The following CSMD2 variants were observed in gnomAD, a reference collection of about 807,000 sequenced individuals.
CSMD2 encodes the protein CUB and Sushi multiple domains 2.
Under a neutral mutation model 398.5 loss-of-function variants are expected in CSMD2, and 130 were observed. The ratio of observed to expected loss-of-function variants is 0.33; its 90% CI spans 0.28 to 0.38. CSMD2 has a LOEUF of 0.38. CSMD2 is among the 10% of genes least tolerant of loss of function. The pLI is 1.00. For synonymous variants in CSMD2, 1,828 were observed against 1,908.5 expected (o/e 0.96, Z 1.10); for missense variants, 3,829 against 4,764.9 (o/e 0.80, Z 5.78).
At chr1:34,001,924 T>A (rs1469867740) in intron 3 of CSMD2, among the ~76,000 whole-genome samples, 1 of 152,176 alleles carries the variant, frequency 6.6e-6, no homozygotes, top group Non-Finnish European at 1.5e-5. Flanking sequence ...AAAAGGATAA[T>A]AATGACTGCA....
intron 2 of CSMD2, among the ~76,000 whole-genome samples, chr1:34,059,369 C>T (rs1654211221): frequency 6.6e-6 from 1 of 152,156 alleles, no homozygotes; most frequent in South Asian, 2.1e-4. Context: ...CTCCATCTGA[C>T]ACCCTCTTCC....
intron 25 of CSMD2, among the ~76,000 whole-genome samples, chr1:33,665,729 G>T (rs925035306): frequency 2.6e-5 from 4 of 151,824 alleles, no homozygotes; most frequent in African/African-American, 9.7e-5. Flanking sequence ...CACCTGGCTA[G>T]TTTCATTTTT....
chr1:34,128,362 T>C (rs930131042), intron 1 of CSMD2, among the ~76,000 whole-genome samples: 2 of 152,198 alleles, frequency 1.3e-5, no homozygotes, highest in African/African-American at 4.8e-5. Context: ...GGGAATCCCA[T>C]GTCCTTCAAA....
rs1381253641 is a variant in CSMD2 at position 33,775,916 on chromosome 1, CAAG to C, written c.1664-3168_1664-3166del. Among the ~76,000 whole-genome samples, 4 of 152,098 alleles carry C rather than the reference CAAG, an allele frequency of 2.6e-5. No homozygotes were observed. In the East Asian group the frequency reaches 7.7e-4, roughly 29 times the overall value. On this transcript the variant is annotated intron_variant, in intron 12 of 70. Coordinates refer to ENST00000373381, the MANE Select transcript of CSMD2 (RefSeq NM_001281956.2). The stretch of plus-strand genomic sequence containing the variant: ...CAGGAGCTTAAAGAAGAATGAGTTT[CAAG>C]AAGGAGATCAACAGCCTTGAATGCT...
chr1:33,864,187 C>G (rs774843525), intron 5 of CSMD2: 1 of 1,588,422 alleles, frequency 6.3e-7, no homozygotes, highest in South Asian at 1.2e-5. Context: ...GGTGAACTTA[C>G]GAACATGGGA....
chr1:34,108,461 A>C (rs1264617929), intron 1 of CSMD2, among the ~76,000 whole-genome samples: 1 of 152,176 alleles, frequency 6.6e-6, no homozygotes, highest in Non-Finnish European at 1.5e-5. Context: ...GCTCTGATGC[A>C]GCTAGCCCAA....
chr1:33,600,976 C>T lies in CSMD2; in HGVS notation c.6745G>A (p.Val2249Ile), dbSNP rs145139713. ...TTCTTGGCCATGCTCCGGGTGAAGA[C>T]GCCGAGCCGTGGTGCTGTTTGCTGT... ...GPQQTAPRLG[V>I]FTRSMAKKTV... Residue 2249 changes from valine to isoleucine, a missense_variant, in exon 44 of 71, where the codon GTC becomes ATC. Val to Ile is a conservative substitution (Grantham distance 29). Coordinates refer to ENST00000373381, the MANE Select transcript of CSMD2 (RefSeq NM_001281956.2). 1,356 of 1,614,170 alleles carry T rather than the reference C, an allele frequency of 8.4e-4. 1 individual carries two copies. The highest frequency in any genetic ancestry group is 1.1e-3 in the Non-Finnish European group (1,304 of 1,180,042).
At chr1:33,720,356 TAGA>T (rs1220584871) in intron 19 of CSMD2, among the ~76,000 whole-genome samples, 1 of 152,034 alleles carries the variant, frequency 6.6e-6, no homozygotes, top group Non-Finnish European at 1.5e-5. Context: ...CATGGAGGTA[TAGA>T]ATGCATGCTA....
intron 24 of CSMD2, among the ~76,000 whole-genome samples, chr1:33,697,255 T>A (rs1354282808): frequency 6.6e-6 from 1 of 152,222 alleles, no homozygotes; most frequent in Non-Finnish European, 1.5e-5. Context: ...CGGTTGTGTG[T>A]TTATGCAAGC....
At chr1:34,111,023 C>T (rs1382692914) in intron 1 of CSMD2, among the ~76,000 whole-genome samples, 1 of 152,174 alleles carries the variant, frequency 6.6e-6, no homozygotes, top group Non-Finnish European at 1.5e-5. Flanking sequence ...CTCTGTAGCA[C>T]CCTATGTAAT....
chr1:34,126,319 GGCTGAGCCCACCTA>G (rs1662735769), intron 1 of CSMD2, among the ~76,000 whole-genome samples: 1 of 152,156 alleles, frequency 6.6e-6, no homozygotes, highest in Non-Finnish European at 1.5e-5. Flanking sequence ...CCTGGACTCT[GGCTGAGCCCACCTA>G]GCACATACCT....
In CSMD2 at chr1:33,820,562, AGGC is replaced by A; in HGVS notation, c.1112-9_1112-7del. 3.7e-6 allele frequency: 4 copies of A among 1,073,120 alleles called. No homozygotes were observed. Among genetic ancestry groups the A allele is most frequent in the Admixed American group, 2.3e-5 (1 of 43,736 alleles). The allele number at this position is 1,073,120 out of a possible 1,614,324, so 66.5% of individuals were successfully genotyped here. On this transcript the variant is annotated splice_region_variant and splice_polypyrimidine_tract_variant and intron_variant, in intron 7 of 70. Transcript: ENST00000373381. ...GGACACACCAACCTGAGTTACTACAAGGCAAAAAAAAAAAAAAAAAAAAAAACA... is the reference window on the plus strand; with the variant it reads ...GGACACACCAACCTGAGTTACTACAAAAAAAAAAAAAAAAAAAAAAAAACA...
intron 1 of CSMD2, among the ~76,000 whole-genome samples, chr1:34,098,420 AAAAT>A (rs543572326): frequency 7.4e-4 from 112 of 150,638 alleles, no homozygotes; most frequent in Middle Eastern, 3.4e-3. Flanking sequence ...TAATAATAAA[AAAAT>A]AAATAAATAA....
At chr1:33,929,142 C>T (rs184846933) in intron 4 of CSMD2, among the ~76,000 whole-genome samples, 269 of 152,174 alleles carry the variant, frequency 1.8e-3, no homozygotes, top group Non-Finnish European at 2.2e-3. Flanking sequence ...CAACTTTGGC[C>T]CTTTATTCTA....
At chr1:33,930,495 A>G (rs749906841) in intron 4 of CSMD2, among the ~76,000 whole-genome samples, 1 of 152,208 alleles carries the variant, frequency 6.6e-6, no homozygotes, top group Non-Finnish European at 1.5e-5. Flanking sequence ...TTCCCCAGGT[A>G]TGGTGACAGC....
intron 3 of CSMD2, among the ~76,000 whole-genome samples, chr1:33,968,194 G>C (rs939492283): frequency 2.0e-5 from 3 of 152,174 alleles, no homozygotes; most frequent in Non-Finnish European, 4.4e-5. Flanking sequence ...GTCATGTTAG[G>C]TGAGTTATCT....
intron 10 of CSMD2, among the ~76,000 whole-genome samples, chr1:33,810,068 AG>A (rs1325643657): frequency 1.3e-5 from 2 of 152,192 alleles, no homozygotes; most frequent in Non-Finnish European, 2.9e-5. Context: ...AGTATCAAAA[AG>A]ATATCAGTTC....
intron 2 of CSMD2, among the ~76,000 whole-genome samples, chr1:34,073,864 A>G: frequency 6.6e-6 from 1 of 152,240 alleles, no homozygotes; most frequent in East Asian, 1.9e-4. Flanking sequence ...TCACAGTCCC[A>G]CTGGCTGCAC....
chr1:34,062,906 G>A (rs895978339), intron 2 of CSMD2, among the ~76,000 whole-genome samples: 1 of 152,148 alleles, frequency 6.6e-6, no homozygotes, highest in Non-Finnish European at 1.5e-5. Flanking sequence ...AAGAAAAAGA[G>A]GTTTAATTGG....
Sources: allele counts gnomAD v4.1 joint callset (sites outside exome capture counted in the v4.1 genomes callset), GRCh38; gene constraint gnomAD v4.1.1; transcripts MANE v1.5; gene names NCBI Gene and HGNC (gene_info 2026-07-23, HGNC 2026-07-21).